The following EIF4G1 variants were observed in gnomAD, a reference collection of about 807,000 sequenced individuals.
EIF4G1 encodes eukaryotic translation initiation factor 4 gamma 1, also known as EIF4-gamma.
Under a neutral mutation model 187.8 loss-of-function variants are expected in EIF4G1, and 4 were observed. That is an observed-to-expected ratio of 0.02 (90% CI 0.01 to 0.05). EIF4G1 has a LOEUF of 0.05. EIF4G1 is among the 10% of genes least tolerant of loss of function. The pLI, the probability that EIF4G1 is intolerant of heterozygous loss-of-function variation, is 1.00. For synonymous variants in EIF4G1, 844 were observed against 781.4 expected (o/e 1.08, Z -1.34); for missense variants, 1,647 against 2,081.1 (o/e 0.79, Z 4.06).
chr3:184,325,258 C>T lies in EIF4G1; in HGVS notation c.2857-11C>T. The T allele has an allele frequency of 6.2e-7, 1 of 1,614,048 alleles. No individual in the cohort carries two copies. Among genetic ancestry groups the T allele is most frequent in the South Asian group, 1.1e-5 (1 of 91,084 alleles). Reference sequence around the variant, plus strand: ...GAGAAGTTCCTGGTCTGATGCCTTTCTCCTTCCTAGCCCCGAATGGATCAG... The same window carrying T: ...GAGAAGTTCCTGGTCTGATGCCTTTTTCCTTCCTAGCCCCGAATGGATCAG... On this transcript the variant is annotated splice_polypyrimidine_tract_variant and intron_variant, in intron 18 of 32. Transcript: ENST00000346169. This position sits in a 1 kb window ranked among gnomAD's most constrained non-coding sequence, Gnocchi z 5.2.
At position 184,325,324 on chromosome 3, in the gene EIF4G1, C is replaced by T. The variant is rs767404672; in HGVS notation, c.2912C>T (p.Thr971Met). Residue 971 changes from threonine (T) to methionine (M), a missense_variant, in exon 19 of 33, where the codon ACG becomes ATG. Around this residue, in one of 11 missense-constraint regions of EIF4G1, gnomAD observed 142 missense variants for 296.6 expected, o/e 0.48. Coordinates refer to ENST00000346169, the MANE Select transcript of EIF4G1 (RefSeq NM_198241.3). The surrounding 1 kb of genome is among the most constrained non-coding windows in gnomAD (Gnocchi z 5.2). ...GAAAAAATCATTAAAGAAAAGAAGACGTCATCCCGCATCCGCTTTATGCTG... is the reference window on the plus strand; with the variant it reads ...GAAAAAATCATTAAAGAAAAGAAGATGTCATCCCGCATCCGCTTTATGCTG... ...QMEKIIKEKKTSSRIRFMLQD... is the reference protein window; with the variant it reads ...QMEKIIKEKKMSSRIRFMLQD... 1.4e-5 allele frequency: 22 copies of T among 1,614,062 alleles called. No individual in the cohort carries two copies. Among genetic ancestry groups the T allele is most frequent in the African/African-American group, 2.7e-5 (2 of 74,926 alleles).
Position 184,322,703 on chromosome 3 carries a change from G to A in EIF4G1, c.1768G>A (p.Gly590Arg), listed in dbSNP as rs1271698593. 3 of 1,614,164 alleles carry A rather than the reference G, an allele frequency of 1.9e-6. No individual in the cohort carries two copies. Among genetic ancestry groups the A allele is most frequent in the Admixed American group, 1.7e-5 (1 of 60,006 alleles). The stretch of plus-strand genomic sequence containing the variant: ...TCACAATGCTGAGAACATCCAGCCC[G>A]GGGAACAGAAGTATGAATATAAGTC... ...KIHNAENIQPGEQKYEYKSDQ... is the reference protein window; with the variant it reads ...KIHNAENIQPREQKYEYKSDQ... Residue 590 changes from glycine (G) to arginine (R), a missense_variant, in exon 12 of 33, where the codon GGG (glycine) becomes AGG (arginine). By Grantham distance (125) the Gly-to-Arg change is moderately radical. Coordinates refer to ENST00000346169, the MANE Select transcript of EIF4G1 (RefSeq NM_198241.3).
At chr3:184,319,552 A>T (rs937516622) in intron 6 of EIF4G1, 137 bp from the exon 7 acceptor site, 21 of 684,348 alleles carry the variant, frequency 3.1e-5, no homozygotes, top group Non-Finnish European at 5.2e-5. Context: ...TCCCTGGGGG[A>T]GGAGGGCAGG....
chr3:184,325,124 C>G lies in EIF4G1; in HGVS notation c.2856+10C>G, dbSNP rs1577222390. ...CTTTGAAAAAGCCAAGGTAGAGGTC[C>G]TTGCATCTGGAGGGGGATGGGCTGA... On this transcript the variant is annotated intron_variant, in intron 18 of 32. Coordinates refer to ENST00000346169, the MANE Select transcript of EIF4G1 (RefSeq NM_198241.3). This position sits in a 1 kb window ranked among gnomAD's most constrained non-coding sequence, Gnocchi z 5.2. The G allele has an allele frequency of 1.2e-6, 2 of 1,613,530 alleles. No homozygotes were observed. The highest frequency in any genetic ancestry group is 1.7e-5 in the Admixed American group (1 of 60,016).
intron 21 of EIF4G1, among the ~76,000 whole-genome samples, chr3:184,326,221 A>G (rs1374964682): frequency 1.3e-5 from 2 of 151,590 alleles, no homozygotes; most frequent in Non-Finnish European, 2.9e-5. Flanking sequence ...TGGTTTTTAC[A>G]TTTTAAAGTT....
intron 27 of EIF4G1, 35 bp from the exon 28 acceptor site, chr3:184,328,874 G>C: frequency 6.2e-7 from 1 of 1,614,094 alleles, no homozygotes; most frequent in Non-Finnish European, 8.5e-7. Flanking sequence ...GAGAACTGTG[G>C]AGGCTGTCAG....
chr3:184,332,235 G>A (rs1300172963), intron 32 of EIF4G1, 149 bp downstream of exon 32: 3 of 1,055,168 alleles, frequency 2.8e-6, no homozygotes, highest in Non-Finnish European at 4.1e-6. Context: ...TTCCTTTTAC[G>A]TTTGTGTTGT....
intron 6 of EIF4G1, chr3:184,319,303 G>A (rs1011271813): frequency 3.7e-6 from 1 of 266,840 alleles, no homozygotes; most frequent in Non-Finnish European, 7.5e-6. Context: ...CAGGTTCAGA[G>A]TATGTGTGTA....
In EIF4G1 at chr3:184,327,591, C is replaced by A. The variant is rs1398197964; in HGVS notation, c.3667C>A (p.Arg1223=). ...TCTGTGTTCTCTTCCCACAGTGAAG[C>A]GAGAAGCTGCCCTACCCCCAGTGAG... The part of the protein sequence containing the change: ...DRDRGRDAVK[R]EAALPPVSPL... Residue 1223 remains arginine (R), a synonymous_variant, in exon 25 of 33, where the codon CGA becomes AGA. Coordinates refer to ENST00000346169, the MANE Select transcript of EIF4G1 (RefSeq NM_198241.3). 8 of 1,613,934 alleles carry A rather than the reference C, an allele frequency of 5.0e-6. No individual in the cohort carries two copies. Among genetic ancestry groups the A allele is most frequent in the Non-Finnish European group, 5.1e-6 (6 of 1,179,902 alleles).
At chr3:184,320,823 C>T (rs753943907) in intron 8 of EIF4G1, 101 bp downstream of exon 8, 18 of 1,606,556 alleles carry the variant, frequency 1.1e-5, no homozygotes, top group Non-Finnish European at 1.5e-5. Flanking sequence ...ATTTATTTCC[C>T]TGCTTTCCTG....
At chr3:184,324,176 G>T in intron 16 of EIF4G1, 25 bp from the exon 17 acceptor site, 1 of 1,614,238 alleles carries the variant, frequency 6.2e-7, no homozygotes, top group Non-Finnish European at 8.5e-7. Context: ...CTAGTCTTGA[G>T]TGTGACATTC....
At chr3:184,319,558 G>A in intron 6 of EIF4G1, 131 bp from the exon 7 acceptor site, 2 of 702,264 alleles carry the variant, frequency 2.8e-6, no homozygotes, top group South Asian at 1.5e-5. Flanking sequence ...GGGGAGGAGG[G>A]CAGGGCAGGG....
chr3:184,327,797 T>C, intron 25 of EIF4G1, 33 bp from the exon 26 acceptor site: 2 of 1,614,084 alleles, frequency 1.2e-6, no homozygotes, highest in Non-Finnish European at 1.7e-6. Flanking sequence ...AGACAGTGAC[T>C]GGTCTCTTCC....
chr3:184,321,097 T>G, intron 9 of EIF4G1, 104 bp downstream of exon 9: 1 of 1,511,954 alleles, frequency 6.6e-7, no homozygotes, highest in Non-Finnish European at 9.0e-7. Context: ...GAATGATGAC[T>G]TAGATTTCAG....
In EIF4G1 at chr3:184,322,625, C is replaced by T. The variant is rs762917023; in HGVS notation, c.1690C>T (p.Pro564Ser). The change falls in exon 12 of 33, where the codon CCC becomes TCC. Residue 564 changes from proline (P) to serine (S), a missense_variant. Pro to Ser is a moderately conservative substitution (Grantham distance 74). This residue lies in a region of EIF4G1 where 522 missense variants were observed against 485.2 expected (regional missense o/e 1.08). Coordinates refer to ENST00000346169, the MANE Select transcript of EIF4G1 (RefSeq NM_198241.3). ...CCCAGAGTCTGAGGGCAGTGGTGTG[C>T]CCCCACGTCCTGAGGAAGCAGATGA... The part of the protein sequence containing the change: ...PGPESEGSGV[P>S]PRPEEADETW... The T allele has an allele frequency of 5.0e-6, 8 of 1,614,160 alleles. No individual in the cohort carries two copies. In the East Asian group the frequency reaches 1.8e-4, roughly 36 times the overall value.
chr3:184,327,101 T>C (rs1725077394), intron 23 of EIF4G1, 115 bp from the exon 24 acceptor site: 1 of 1,566,502 alleles, frequency 6.4e-7, no homozygotes. Flanking sequence ...TTGGGTTAGA[T>C]TGGGGCATAC....
chr3:184,315,828 C>A lies in EIF4G1; in HGVS notation c.32C>A (p.Pro11Gln), dbSNP rs769596140. The stretch of plus-strand genomic sequence containing the variant: ...AAAGCTCCACAGTCCACAGGCCCCC[C>A]ACCCGCCCCATCCCCCGGACTCCCA... MNKAPQSTGP[P>Q]PAPSPGLPQP... is the part of the protein sequence containing the mutation. The change falls in exon 3 of 33, where the codon CCA (proline) becomes CAA (glutamine). Residue 11 changes from proline (P) to glutamine (Q), a missense_variant. Physicochemically the swap from Pro to Gln is moderately conservative, Grantham distance 76. This residue lies in a region of EIF4G1 where 61 missense variants were observed against 49.5 expected (regional missense o/e 1.23). Coordinates refer to ENST00000346169, the MANE Select transcript of EIF4G1 (RefSeq NM_198241.3). 3.2e-6 allele frequency: 5 copies of A among 1,550,280 alleles called. No homozygotes were observed. Among genetic ancestry groups the A allele is most frequent in the African/African-American group, 1.4e-5 (1 of 73,142 alleles).
Position 184,324,370 on chromosome 3 carries a change from T to C in EIF4G1, c.2619+23T>C, listed in dbSNP as rs755875285. ...ACGGTGAGAGAAAACCCACTATCGA[T>C]TCCACTCACCACTTACCTCCTTCCC... On this transcript the variant is annotated intron_variant, in intron 17 of 32. Transcript: ENST00000346169. 8 of 1,614,156 alleles carry C rather than the reference T, an allele frequency of 5.0e-6. No homozygotes were observed. In the South Asian group the frequency reaches 8.8e-5, roughly 18 times the overall value.
Position 184,334,765 on chromosome 3 carries a change from G to T in EIF4G1, c.4657G>T (p.Asp1553Tyr). 6.2e-7 allele frequency: 1 copy of T among 1,614,224 alleles called. No individual in the cohort carries two copies. Among genetic ancestry groups the T allele is most frequent in the Non-Finnish European group, 8.5e-7 (1 of 1,180,048 alleles). Residue 1553 changes from aspartate (D) to tyrosine (Y), a missense_variant, in exon 33 of 33, where the codon GAC (aspartate) becomes TAC (tyrosine). By Grantham distance (160) the Asp-to-Tyr change is radical. Transcript: ENST00000346169. The surrounding 1 kb of genome is among the most constrained non-coding windows in gnomAD (Gnocchi z 5.8). ...GTTCTTTGACGCACTGTATGACGAG[G>T]ACGTGGTGAAGGAGGATGCCTTCTA... Reference protein sequence around the residue: ...RMFFDALYDEDVVKEDAFYSW... With the variant: ...RMFFDALYDEYVVKEDAFYSW...
Sources: gnomAD v4.1 joint callset for allele counts (sites outside exome capture counted in the v4.1 genomes callset) on GRCh38, gnomAD v4.1.1 for gene constraint, gnomAD v4.1.1 regional missense constraint, Gnocchi (gnomAD v3.1) non-coding constraint, MANE v1.5 for transcripts, NCBI Gene and HGNC (gene_info 2026-07-23, HGNC 2026-07-21) for gene names.